SNX29: variants seen among roughly 807,000 people sequenced by gnomAD.
SNX29 encodes the protein sorting nexin 29, also known as sorting nexin-29.
Under a neutral mutation model 102.1 loss-of-function variants are expected in SNX29, and 78 were observed. The observed-to-expected ratio is 0.76, with a 90% CI of 0.64 to 0.92. The LOEUF (loss-of-function observed/expected upper bound fraction) is 0.92. Among genes scored for constraint, SNX29 ranks in the 40% least tolerant of loss-of-function variants. The pLI is 0.00. For missense variants in SNX29, 1,280 were observed against 1,061.7 expected, an observed-to-expected ratio of 1.21 and a Z score of -2.86; for synonymous variants, 580 against 414.5, an observed-to-expected ratio of 1.40 and a Z score of -4.85.
At chr16:12,001,636 C>T (rs1262076171) in intron 2 of SNX29, among the ~76,000 whole-genome samples, 1 of 151,850 alleles carries the variant, frequency 6.6e-6, no homozygotes, top group South Asian at 2.1e-4. Flanking sequence ...CACACAGATA[C>T]ACACACACAC....
At chr16:12,084,183 T>C (rs1034387609) in intron 11 of SNX29, among the ~76,000 whole-genome samples, 1 of 151,812 alleles carries the variant, frequency 6.6e-6, no homozygotes, top group Non-Finnish European at 1.5e-5. Flanking sequence ...GTTGCTCTTA[T>C]CGCCCAGGCT....
chr16:12,338,191 C>T (rs550108580), intron 15 of SNX29, among the ~76,000 whole-genome samples: 2 of 152,270 alleles, frequency 1.3e-5, no homozygotes, highest in African/African-American at 4.8e-5. Flanking sequence ...ATCGCCTCTG[C>T]AGTTTGCCGA....
chr16:12,040,008 G>C (rs1454556618), intron 4 of SNX29, among the ~76,000 whole-genome samples: 1 of 152,194 alleles, frequency 6.6e-6, no homozygotes, highest in Non-Finnish European at 1.5e-5. Flanking sequence ...AAATGTTAAA[G>C]AGGCAATGTT....
chr16:12,480,410 C>G (rs2087853049), intron 19 of SNX29, among the ~76,000 whole-genome samples: 1 of 152,166 alleles, frequency 6.6e-6, no homozygotes, highest in African/African-American at 2.4e-5. Context: ...ACATTTTTCT[C>G]TGGTTCTGAC....
intron 19 of SNX29, among the ~76,000 whole-genome samples, chr16:12,492,543 C>G (rs1177491978): frequency 6.6e-6 from 1 of 152,050 alleles, no homozygotes; most frequent in African/African-American, 2.4e-5. Flanking sequence ...AATTAGATCC[C>G]ATTTGTCAAT....
intron 20 of SNX29, among the ~76,000 whole-genome samples, chr16:12,535,941 G>C (rs1389908903): frequency 1.3e-5 from 2 of 152,140 alleles, no homozygotes; most frequent in African/African-American, 4.8e-5. Context: ...GCTGGGGAGG[G>C]TTAAGGAACT....
At position 12,363,071 on chromosome 16, in the gene SNX29, A is replaced by G. The variant is rs182462327; in HGVS notation, c.1899+6792A>G. Among the ~76,000 whole-genome samples the G allele has an allele frequency of 5.6e-3, 859 of 152,290 alleles. 11 individuals carry two copies. Among genetic ancestry groups the G allele is most frequent in the Non-Finnish European group, 5.1e-3 (349 of 68,016 alleles). ...TTACACAGAGGCAGCTCTCATCATC[A>G]GATCCTTTCCTCTGGCAGGCTGTGA... On this transcript the variant is annotated intron_variant, in intron 16 of 20. Coordinates refer to ENST00000566228, the MANE Select transcript of SNX29 (RefSeq NM_032167.5).
chr16:12,124,572 A>G (rs1478234110), intron 11 of SNX29, among the ~76,000 whole-genome samples: 1 of 152,190 alleles, frequency 6.6e-6, no homozygotes, highest in Non-Finnish European at 1.5e-5. Context: ...ATACTTATGT[A>G]GTTTTTATTG....
chr16:12,551,314 C>T (rs867273432), intron 20 of SNX29, among the ~76,000 whole-genome samples: 1 of 152,204 alleles, frequency 6.6e-6, no homozygotes, highest in African/African-American at 2.4e-5. Context: ...CAAAAAGCCA[C>T]TTGTAACCTC....
chr16:12,544,546 T>TCTCC (rs1567684183), intron 20 of SNX29, among the ~76,000 whole-genome samples: 1 of 152,150 alleles, frequency 6.6e-6, no homozygotes, highest in East Asian at 1.9e-4. Context: ...GAACATTCTC[T>TCTCC]GGAATGTTAC....
chr16:12,342,142 GGA>G (rs2081627573), intron 15 of SNX29, among the ~76,000 whole-genome samples: 2 of 152,132 alleles, frequency 1.3e-5, no homozygotes, highest in Non-Finnish European at 2.9e-5. Context: ...GCCTAGGCAG[GGA>G]AGCATTGTGA....
intron 15 of SNX29, among the ~76,000 whole-genome samples, chr16:12,321,605 C>G (rs981944451): frequency 9.9e-5 from 15 of 152,092 alleles, no homozygotes; most frequent in African/African-American, 3.4e-4. Context: ...GGGATGAGCT[C>G]CAGTGAGCAG....
chr16:12,517,144 C>A (rs1434610601), intron 19 of SNX29, among the ~76,000 whole-genome samples: 2 of 152,160 alleles, frequency 1.3e-5, no homozygotes, highest in African/African-American at 2.4e-5. Flanking sequence ...ACAGCAGAGC[C>A]ACGGGTGGGT....
chr16:12,267,004 C>A (rs1195870388), intron 14 of SNX29, among the ~76,000 whole-genome samples: 1 of 152,068 alleles, frequency 6.6e-6, no homozygotes, highest in Non-Finnish European at 1.5e-5. Flanking sequence ...CTCAAGTGAT[C>A]CGCCTGCCTC....
At chr16:12,341,085 C>G (rs1366289599) in intron 15 of SNX29, among the ~76,000 whole-genome samples, 1 of 152,068 alleles carries the variant, frequency 6.6e-6, no homozygotes, top group Non-Finnish European at 1.5e-5. Context: ...AGTGTCTGGC[C>G]TGTGGAACGC....
chr16:12,444,828 C>T (rs1000319799), intron 18 of SNX29, among the ~76,000 whole-genome samples: 2 of 141,700 alleles, frequency 1.4e-5, no homozygotes, highest in Non-Finnish European at 3.0e-5. Flanking sequence ...GTCCCCTCGA[C>T]AGTGTTTTTT....
chr16:12,104,737 T>C (rs888709062), intron 11 of SNX29, among the ~76,000 whole-genome samples: 1 of 152,356 alleles, frequency 6.6e-6, no homozygotes, highest in South Asian at 2.1e-4. Context: ...TACCTGTCAC[T>C]GTGAATACTG....
At chr16:12,331,361 C>G (rs932034830) in intron 15 of SNX29, among the ~76,000 whole-genome samples, 1 of 152,174 alleles carries the variant, frequency 6.6e-6, no homozygotes, top group East Asian at 1.9e-4. Flanking sequence ...GCTGTCTAAA[C>G]TTTGATTTAA....
At chr16:12,445,214 T>A (rs980010942) in intron 18 of SNX29, among the ~76,000 whole-genome samples, 19 of 152,318 alleles carry the variant, frequency 1.2e-4, no homozygotes, top group African/African-American at 4.6e-4. Flanking sequence ...TTCATTAATT[T>A]AATGTCTGTG....
Sources: allele counts gnomAD v4.1 joint callset (sites outside exome capture counted in the v4.1 genomes callset), GRCh38; gene constraint gnomAD v4.1.1; transcripts MANE v1.5; gene names NCBI Gene and HGNC (gene_info 2026-07-23, HGNC 2026-07-21).